TULP4: variants seen among roughly 807,000 people sequenced by gnomAD.
TULP4 encodes tubby-related protein 4.
TULP4 carries 16 observed loss-of-function variants against 129.0 expected under a neutral mutation model. That is an observed-to-expected ratio of 0.12 (90% CI 0.08 to 0.19). TULP4 has a LOEUF of 0.19. TULP4 is among the 10% of genes least tolerant of loss of function. The pLI is 1.00. For missense variants in TULP4, 1,842 were observed against 2,059.1 expected, an observed-to-expected ratio of 0.89 and a Z score of 2.04; for synonymous variants, 998 against 854.0, an observed-to-expected ratio of 1.17 and a Z score of -2.94.
intron 6 of TULP4, among the ~76,000 whole-genome samples, chr6:158,464,479 C>T (rs1375745195): frequency 6.6e-6 from 1 of 152,126 alleles, no homozygotes. Context: ...TCTTGTTCCC[C>T]GCTGCAACAC....
At chr6:158,365,662 G>A (rs1025202016) in intron 1 of TULP4, among the ~76,000 whole-genome samples, 3 of 150,704 alleles carry the variant, frequency 2.0e-5, no homozygotes, top group Non-Finnish European at 4.4e-5. Flanking sequence ...TAGTAGAGAG[G>A]GGGTTTCACC....
At chr6:158,462,780 A>C (rs1583905104) in intron 6 of TULP4, among the ~76,000 whole-genome samples, 17 of 85,768 alleles carry the variant, frequency 2.0e-4, no homozygotes, top group East Asian at 6.4e-4. Flanking sequence ...TTGGAGTTTC[A>C]CTCTTGTTGC....
chr6:158,393,523 C>T (rs1303576854), intron 1 of TULP4, among the ~76,000 whole-genome samples: 2 of 152,238 alleles, frequency 1.3e-5, no homozygotes, highest in Non-Finnish European at 2.9e-5. Context: ...CATTTCCATA[C>T]ATCCTCTGAA....
intron 1 of TULP4, among the ~76,000 whole-genome samples, chr6:158,253,347 G>T (rs1778179519): frequency 6.6e-6 from 1 of 152,174 alleles, no homozygotes; most frequent in African/African-American, 2.4e-5. Context: ...ATAAACACGT[G>T]TCTTACTCTT....
chr6:158,312,065 AG>A (rs1779367504), upstream of TULP4: 1 of 396,240 alleles, frequency 2.5e-6, no homozygotes, highest in African/African-American at 2.1e-5. Context: ...GTAAGACTCC[AG>A]GGCCTCCCAG....
intron 1 of TULP4, among the ~76,000 whole-genome samples, chr6:158,381,730 C>T (rs999916839): frequency 1.3e-5 from 2 of 152,110 alleles, no homozygotes; most frequent in Non-Finnish European, 2.9e-5. Context: ...GCTAAGAAGA[C>T]CAATTCAGGT....
At position 158,399,776 on chromosome 6, in the gene TULP4, G is replaced by A. The variant is rs546085150; in HGVS notation, c.253-13289G>A. Reference sequence around the variant, plus strand: ...CTCAAAGTCCCAAGTTAGTAGTTCCGCAGCCAGAATTCATACACATTTGTC... The same window carrying A: ...CTCAAAGTCCCAAGTTAGTAGTTCCACAGCCAGAATTCATACACATTTGTC... On this transcript the variant is annotated intron_variant, in intron 1 of 13. Coordinates refer to ENST00000367097, the MANE Select transcript of TULP4 (RefSeq NM_020245.5). Among the ~76,000 whole-genome samples the A allele has an allele frequency of 1.6e-4, 24 of 152,254 alleles. No individual in the cohort carries two copies. In the South Asian group the frequency reaches 3.5e-3, roughly 22 times the overall value.
intron 6 of TULP4, among the ~76,000 whole-genome samples, chr6:158,467,479 T>C (rs1265100746): frequency 3.3e-5 from 5 of 151,840 alleles, no homozygotes; most frequent in African/African-American, 1.2e-4. Flanking sequence ...GATGGGGTTT[T>C]ACCATGTTGG....
At chr6:158,266,664 T>C (rs1464568822) in intron 1 of TULP4, among the ~76,000 whole-genome samples, 1 of 152,182 alleles carries the variant, frequency 6.6e-6, no homozygotes, top group Admixed American at 6.5e-5. Flanking sequence ...AACAAAAATA[T>C]AGTAGAACAA....
intron 1 of TULP4, among the ~76,000 whole-genome samples, chr6:158,338,647 T>A (rs999207148): frequency 4.6e-5 from 7 of 152,314 alleles, no homozygotes; most frequent in Non-Finnish European, 7.3e-5. Context: ...AGCCATGTTA[T>A]GTTGCACCTG....
intron 1 of TULP4, among the ~76,000 whole-genome samples, chr6:158,283,555 A>T (rs1778792636): frequency 6.6e-6 from 1 of 152,124 alleles, no homozygotes; most frequent in Non-Finnish European, 1.5e-5. Flanking sequence ...CCTGAATTTG[A>T]TTCAACTTTG....
rs71030170 is a variant in TULP4 at position 158,439,700 on chromosome 6, C to CTTTTTTTTT, written c.544-9275_544-9267dup. Among the ~76,000 whole-genome samples the CTTTTTTTTT allele has an allele frequency of 5.0e-4, 34 of 68,252 alleles. 4 individuals are homozygous for CTTTTTTTTT. The highest frequency in any genetic ancestry group is 1.4e-3 in the African/African-American group (23 of 16,744). The allele number at this position is 68,252 out of a possible 152,430, so 44.8% of individuals were successfully genotyped here. On this transcript the variant is annotated intron_variant, in intron 3 of 13. Coordinates refer to ENST00000367097, the MANE Select transcript of TULP4 (RefSeq NM_020245.5). ...CATGTAAGCTCTTGTACTAGAGTTT[C>CTTTTTTTTT]TTTTTTTTTTTTTTTTTTTTTTTTT...
chr6:158,399,305 T>C (rs1419157331), intron 1 of TULP4, among the ~76,000 whole-genome samples: 1 of 152,252 alleles, frequency 6.6e-6, no homozygotes, highest in Non-Finnish European at 1.5e-5. Flanking sequence ...AGGAAGCACT[T>C]GCCATTCATC....
At chr6:158,335,435 T>G (rs573758147) in intron 1 of TULP4, among the ~76,000 whole-genome samples, 88 of 125,256 alleles carry the variant, frequency 7.0e-4, no homozygotes, top group African/African-American at 2.6e-3. Flanking sequence ...TTTTAGTTTT[T>G]TGATCTTTTC....
chr6:158,248,174 G>T (rs1289091311), intron 1 of TULP4, among the ~76,000 whole-genome samples: 4 of 152,166 alleles, frequency 2.6e-5, no homozygotes, highest in East Asian at 1.9e-4. Flanking sequence ...GTGCATGGTG[G>T]CTCATGCCTG....
At position 158,454,018 on chromosome 6, in the gene TULP4, A is replaced by ACCC. The variant is rs1554293006; in HGVS notation, c.859+1752_859+1753insCCC. Among the ~76,000 whole-genome samples the ACCC allele has an allele frequency of 1.6e-3, 180 of 114,600 alleles. 4 individuals are homozygous for ACCC. The highest frequency in any genetic ancestry group is 4.2e-3 in the African/African-American group (120 of 28,360). The allele number at this position is 114,600 out of a possible 152,430, so 75.2% of individuals were successfully genotyped here. The stretch of plus-strand genomic sequence containing the variant: ...TGGCAAGAATCATACCTGCCTCTGC[A>ACCC]CCGCCCCCCCCCAAGTAATTACTCT... On this transcript the variant is annotated intron_variant, in intron 5 of 13. Transcript: ENST00000367097.
intron 1 of TULP4, among the ~76,000 whole-genome samples, chr6:158,254,835 G>T (rs541715398): frequency 1.3e-5 from 2 of 152,338 alleles, no homozygotes; most frequent in East Asian, 3.9e-4. Flanking sequence ...ACTTTGGGAG[G>T]CTGAGGTGGG....
chr6:158,365,337 T>A (rs1780907797), intron 1 of TULP4, among the ~76,000 whole-genome samples: 1 of 152,114 alleles, frequency 6.6e-6, no homozygotes, highest in Non-Finnish European at 1.5e-5. Flanking sequence ...TGACCATATA[T>A]TTCATTTTCA....
intron 1 of TULP4, among the ~76,000 whole-genome samples, chr6:158,234,665 A>C (rs930992657): frequency 2.6e-5 from 4 of 152,138 alleles, no homozygotes; most frequent in African/African-American, 7.2e-5. Flanking sequence ...TAGTTACTGC[A>C]TGGGTTTCTG....
Sources: allele counts gnomAD v4.1 joint callset (sites outside exome capture counted in the v4.1 genomes callset), GRCh38; gene constraint gnomAD v4.1.1; transcripts MANE v1.5; gene names NCBI Gene and HGNC (gene_info 2026-07-23, HGNC 2026-07-21).